The following SYT1 variants were observed in gnomAD, a reference collection of about 807,000 sequenced individuals.
SYT1 encodes synaptotagmin-1.
Under a neutral mutation model 44.8 loss-of-function variants are expected in SYT1, and 8 were observed. That is an observed-to-expected ratio of 0.18 (90% CI 0.10 to 0.32). The LOEUF (loss-of-function observed/expected upper bound fraction) is 0.32. SYT1 is among the 10% of genes least tolerant of loss of function. The pLI, the probability that SYT1 is intolerant of heterozygous loss-of-function variation, is 1.00. For synonymous variants in SYT1, 154 were observed against 188.8 expected (o/e 0.82, Z 1.51); for missense variants, 286 against 509.3 (o/e 0.56, Z 4.22).
chr12:79,318,676 CT>C (rs770941913), intron 8 of SYT1, among the ~76,000 whole-genome samples: 1 of 152,222 alleles, frequency 6.6e-6, no homozygotes, highest in African/African-American at 2.4e-5. Context: ...CTGCTCTTCA[CT>C]TTAAGCTGTG....
At chr12:79,107,457 C>G (rs1878782798) in intron 3 of SYT1, among the ~76,000 whole-genome samples, 1 of 151,726 alleles carries the variant, frequency 6.6e-6, no homozygotes, top group South Asian at 2.1e-4. Flanking sequence ...CAAGGTATTT[C>G]CAATAATACA....
intron 4 of SYT1, among the ~76,000 whole-genome samples, chr12:79,273,881 G>A (rs1164590508): frequency 2.6e-5 from 4 of 152,088 alleles, no homozygotes; most frequent in Non-Finnish European, 5.9e-5. Context: ...GTCAAGAGAT[G>A]GAGACCATCC....
intron 2 of SYT1, among the ~76,000 whole-genome samples, chr12:79,044,052 C>A (rs375822696): frequency 6.6e-6 from 1 of 152,036 alleles, no homozygotes; most frequent in Admixed American, 6.6e-5. Flanking sequence ...CTCTGGCTGC[C>A]CTTAACATTT....
chr12:79,308,526 A>G (rs1880536894), intron 8 of SYT1, among the ~76,000 whole-genome samples: 1 of 131,908 alleles, frequency 7.6e-6, no homozygotes, highest in African/African-American at 2.9e-5. Context: ...AGAAAGAAAG[A>G]AGAAATAAAG....
Position 78,962,791 on chromosome 12 carries a change from A to G in SYT1, c.-216-15008A>G, listed in dbSNP as rs1260775637. Among the ~76,000 whole-genome samples, 3 of 111,482 alleles carry G rather than the reference A, an allele frequency of 2.7e-5. No homozygotes were observed. The Admixed American group carries it at 3.4e-4, about 13-fold the overall frequency. 73.1% of individuals were successfully genotyped at this position (111,482 alleles called of 152,430 possible). A position where few individuals can be genotyped will look rare whatever the true frequency, so the allele number is the denominator to read the frequency against. Reference sequence around the variant, plus strand: ...AAATCTACTCACCATGCCACAGCCAAAAATGATGTTTCAAAAATTCAGGTC... The same window carrying G: ...AAATCTACTCACCATGCCACAGCCAGAAATGATGTTTCAAAAATTCAGGTC... On this transcript the variant is annotated intron_variant, in intron 1 of 10. Transcript: ENST00000261205.
At chr12:79,426,059 T>C (rs1444312845) in intron 9 of SYT1, among the ~76,000 whole-genome samples, 4 of 151,976 alleles carry the variant, frequency 2.6e-5, no homozygotes, top group African/African-American at 7.3e-5. Context: ...TTGAATCATA[T>C]TCACATCCAG....
At chr12:79,352,654 A>G (rs1269973168) in intron 8 of SYT1, among the ~76,000 whole-genome samples, 1 of 152,156 alleles carries the variant, frequency 6.6e-6, no homozygotes, top group Non-Finnish European at 1.5e-5. Context: ...CACCCTAGAA[A>G]ATAAAACACT....
chr12:79,203,764 G>C (rs1873936903), intron 3 of SYT1, among the ~76,000 whole-genome samples: 1 of 152,106 alleles, frequency 6.6e-6, no homozygotes, highest in Non-Finnish European at 1.5e-5. Flanking sequence ...GTTCATTCTT[G>C]TCTCATGTCC....
chr12:79,295,026 A>AT (rs758362952), intron 6 of SYT1, among the ~76,000 whole-genome samples: 32 of 152,040 alleles, frequency 2.1e-4, no homozygotes, highest in Admixed American at 2.0e-3. Flanking sequence ...ATGGTTATGC[A>AT]TTTTTTTTAA....
At chr12:78,958,407 A>C (rs1189235694) in intron 1 of SYT1, among the ~76,000 whole-genome samples, 1 of 152,068 alleles carries the variant, frequency 6.6e-6, no homozygotes, top group Non-Finnish European at 1.5e-5. Flanking sequence ...ATCAAAACAC[A>C]AACAAGGCCG....
chr12:79,152,064 G>A (rs1592795945), intron 3 of SYT1, among the ~76,000 whole-genome samples: 2 of 152,142 alleles, frequency 1.3e-5, no homozygotes, highest in Non-Finnish European at 1.5e-5. Flanking sequence ...CAGGAGAAGT[G>A]AGAGGAGAAA....
intron 3 of SYT1, among the ~76,000 whole-genome samples, chr12:79,166,859 G>A (rs796253641): frequency 4.6e-5 from 7 of 152,112 alleles, no homozygotes; most frequent in African/African-American, 1.7e-4. Flanking sequence ...TGCTAGCCAT[G>A]TTATTTTGAG....
intron 3 of SYT1, among the ~76,000 whole-genome samples, chr12:79,086,258 G>A (rs909974257): frequency 6.6e-6 from 1 of 152,118 alleles, no homozygotes; most frequent in East Asian, 1.9e-4. Flanking sequence ...CAAGGGAGCT[G>A]TGTATAGGTA....
At chr12:79,131,363 T>C (rs566949456) in intron 3 of SYT1, among the ~76,000 whole-genome samples, 54 of 152,276 alleles carry the variant, frequency 3.5e-4, no homozygotes, top group African/African-American at 1.2e-3. Flanking sequence ...TTCATAACTC[T>C]GTCCCTTATT....
chr12:79,350,542 G>C (rs1457784274), intron 8 of SYT1, among the ~76,000 whole-genome samples: 1 of 151,974 alleles, frequency 6.6e-6, no homozygotes, highest in Non-Finnish European at 1.5e-5. Flanking sequence ...GTGAGCCACC[G>C]CGCCCGGCCC....
chr12:79,313,979 T>C (rs11113650), intron 8 of SYT1, among the ~76,000 whole-genome samples: 42,453 of 150,192 alleles, frequency 0.28, 6,697 homozygotes, highest in East Asian at 0.58. Context: ...ACCATCCTGG[T>C]TAACACGGTG....
intron 9 of SYT1, among the ~76,000 whole-genome samples, chr12:79,411,328 C>T (rs1227658300): frequency 6.6e-6 from 1 of 152,036 alleles, no homozygotes; most frequent in Non-Finnish European, 1.5e-5. Flanking sequence ...ACTTACATCT[C>T]GATGGTCATG....
At chr12:79,025,994 T>G (rs944099117) in intron 2 of SYT1, among the ~76,000 whole-genome samples, 1 of 151,684 alleles carries the variant, frequency 6.6e-6, no homozygotes, top group African/African-American at 2.4e-5. Flanking sequence ...AAAATAGATA[T>G]TTAAAAAGAT....
intron 1 of SYT1, among the ~76,000 whole-genome samples, chr12:78,934,981 C>T (rs115314025): frequency 5.0e-4 from 76 of 152,250 alleles, no homozygotes; most frequent in Middle Eastern, 6.8e-3. Flanking sequence ...GTCTCGTGCT[C>T]CACGGAAATC....
Sources: allele counts gnomAD v4.1 joint callset (sites outside exome capture counted in the v4.1 genomes callset), GRCh38; gene constraint gnomAD v4.1.1; transcripts MANE v1.5; gene names NCBI Gene and HGNC (gene_info 2026-07-23, HGNC 2026-07-21).